CPED1: variants seen among roughly 807,000 people sequenced by gnomAD.
CPED1 encodes the protein cadherin-like and PC-esterase domain-containing protein 1.
In CPED1, 114 loss-of-function variants were observed where a neutral mutation model predicts 128.2. That is an observed-to-expected ratio of 0.89 (90% CI 0.76 to 1.04). CPED1 has a LOEUF of 1.04. Among genes scored for constraint, CPED1 ranks in the 50% least tolerant of loss-of-function variants. The pLI, the probability that CPED1 is intolerant of heterozygous loss-of-function variation, is 0.00. For missense variants in CPED1, 1,211 were observed against 1,207.1 expected (o/e 1.00, Z -0.05); for synonymous variants, 462 against 426.7 (o/e 1.08, Z -1.02).
intron 16 of CPED1, among the ~76,000 whole-genome samples, chr7:121,228,392 G>A (rs1798063882): frequency 6.6e-6 from 1 of 151,566 alleles, no homozygotes; most frequent in Non-Finnish European, 1.5e-5. Flanking sequence ...AAAAATGCTC[G>A]ATATCACTAA....
chr7:121,147,339 A>G (rs1342099884), intron 16 of CPED1, among the ~76,000 whole-genome samples: 1 of 152,132 alleles, frequency 6.6e-6, no homozygotes, highest in Admixed American at 6.6e-5. Context: ...CATGCATTCA[A>G]TTACAGAAAA....
chr7:121,252,634 C>T (rs574191393), intron 18 of CPED1, among the ~76,000 whole-genome samples: 102 of 151,842 alleles, frequency 6.7e-4, no homozygotes, highest in Admixed American at 2.2e-3. Context: ...AAAAACAACC[C>T]GATCAAAAAG....
chr7:121,280,269 G>A (rs1289756514), intron 22 of CPED1, among the ~76,000 whole-genome samples: 1 of 152,154 alleles, frequency 6.6e-6, no homozygotes, highest in Admixed American at 6.5e-5. Context: ...CAGCCACTTG[G>A]GAAATTGAGT....
At chr7:121,236,955 A>G in intron 17 of CPED1, 124 bp downstream of exon 17, 1 of 468,758 alleles carries the variant, frequency 2.1e-6, no homozygotes, top group East Asian at 3.3e-5. Context: ...ACAATGAACT[A>G]TAAAGCATAT....
At chr7:121,228,873 C>T (rs1184834198) in intron 16 of CPED1, among the ~76,000 whole-genome samples, 1 of 151,900 alleles carries the variant, frequency 6.6e-6, no homozygotes, top group African/African-American at 2.4e-5. Context: ...ACAAATAAAC[C>T]AGGCACAAAA....
At chr7:121,108,857 T>A (rs1320247748) in intron 7 of CPED1, among the ~76,000 whole-genome samples, 1 of 152,114 alleles carries the variant, frequency 6.6e-6, no homozygotes, top group East Asian at 1.9e-4. Context: ...AACACCACCC[T>A]GTCCCATTGC....
intron 3 of CPED1, among the ~76,000 whole-genome samples, chr7:121,020,768 A>G (rs943785977): frequency 6.6e-6 from 1 of 151,972 alleles, no homozygotes; most frequent in Non-Finnish European, 1.5e-5. Flanking sequence ...GAGAAATAAT[A>G]GAAGTTTTAC....
intron 16 of CPED1, among the ~76,000 whole-genome samples, chr7:121,207,956 C>G (rs1172361395): frequency 6.6e-6 from 1 of 151,962 alleles, no homozygotes; most frequent in Non-Finnish European, 1.5e-5. Context: ...ATCCTGGCTC[C>G]TTCCCCACCA....
At position 121,266,731 on chromosome 7, in the gene CPED1, C is replaced by T; in HGVS notation, c.2556C>T (p.Gly852=). The T allele has an allele frequency of 6.2e-7, 1 of 1,612,766 alleles. No individual in the cohort carries two copies. Among genetic ancestry groups the T allele is most frequent in the Non-Finnish European group, 8.5e-7 (1 of 1,179,102 alleles). The change falls in exon 20 of 23, where the codon GGC becomes GGT. Residue 852 remains glycine (G), a synonymous_variant. Coordinates refer to ENST00000310396, the MANE Select transcript of CPED1 (RefSeq NM_024913.5). ...LQRSRPLENT[G]QTVLVVGGVQ... ...GATCACGTCCCCTAGAGAATACTGG[C>T]CAGACTGTATTGGTTGTTGGTGGTG...
rs943645962 is a variant in CPED1 at position 121,221,315 on chromosome 7, A to G, written c.2056-15399A>G. Among the ~76,000 whole-genome samples the G allele has an allele frequency of 4.6e-4, 70 of 152,322 alleles. 1 individual carries two copies. Among genetic ancestry groups the G allele is most frequent in the African/African-American group, 1.6e-3 (67 of 41,582 alleles). The stretch of plus-strand genomic sequence containing the variant: ...AACTAAACCTTTTTAATGGCTGCAT[A>G]GTATTCCACAGTGTATATGTGCCAC... On this transcript the variant is annotated intron_variant, in intron 16 of 22. Transcript: ENST00000310396.
chr7:121,139,440 C>CAG (rs1356875873), intron 14 of CPED1, among the ~76,000 whole-genome samples: 1 of 151,364 alleles, frequency 6.6e-6, no homozygotes, highest in East Asian at 1.9e-4. Flanking sequence ...GGGAGCTATA[C>CAG]AGAGACCTAG....
chr7:121,235,621 T>C (rs1798235568), intron 16 of CPED1, among the ~76,000 whole-genome samples: 1 of 152,188 alleles, frequency 6.6e-6, no homozygotes, highest in African/African-American at 2.4e-5. Context: ...AGTCTAACTT[T>C]TTATGCATTC....
chr7:121,220,104 T>C (rs1797844629), intron 16 of CPED1, among the ~76,000 whole-genome samples: 1 of 152,054 alleles, frequency 6.6e-6, no homozygotes, highest in Non-Finnish European at 1.5e-5. Flanking sequence ...TTTATAAGTT[T>C]TATAAAAGGA....
intron 16 of CPED1, among the ~76,000 whole-genome samples, chr7:121,236,100 G>C (rs1306377204): frequency 6.6e-6 from 1 of 152,086 alleles, no homozygotes; most frequent in Admixed American, 6.6e-5. Context: ...CAGTGGATGG[G>C]GCAGAGGAAG....
chr7:121,147,798 T>C (rs1464529477), intron 16 of CPED1, among the ~76,000 whole-genome samples: 4 of 152,076 alleles, frequency 2.6e-5, no homozygotes, highest in Non-Finnish European at 5.9e-5. Flanking sequence ...AAGGGGAAAA[T>C]AGGATTTAAA....
chr7:121,214,190 G>A (rs1244650437), intron 16 of CPED1, among the ~76,000 whole-genome samples: 1 of 152,040 alleles, frequency 6.6e-6, no homozygotes, highest in Non-Finnish European at 1.5e-5. Flanking sequence ...GATGAGGATA[G>A]TGTTTGCTGG....
At chr7:121,195,039 G>A (rs1017473483) in intron 16 of CPED1, 1 of 152,142 alleles carries the variant, frequency 6.6e-6, no homozygotes, top group Non-Finnish European at 1.5e-5. Flanking sequence ...TTTAGTATAT[G>A]TGTTGGTGAA....
chr7:120,998,196 C>T lies in CPED1; in HGVS notation c.249+8326C>T, dbSNP rs140117994. On this transcript the variant is annotated intron_variant, in intron 2 of 22. Coordinates refer to ENST00000310396, the MANE Select transcript of CPED1 (RefSeq NM_024913.5). ...TTCAGGCTTCTAGCCTCCAGAATTA[C>T]GAGATTTAGTAAGCAAGCTTCTCTT... Among the ~76,000 whole-genome samples the T allele has an allele frequency of 7.3e-3, 1,116 of 152,242 alleles. 21 individuals are homozygous for T. Among genetic ancestry groups the T allele is most frequent in the African/African-American group, 0.025 (1,051 of 41,542 alleles).
intron 6 of CPED1, 22 bp downstream of exon 6, chr7:121,097,853 G>A (rs1434785011): frequency 6.2e-7 from 1 of 1,612,468 alleles, no homozygotes; most frequent in Non-Finnish European, 8.5e-7. Flanking sequence ...ATTTTGAATT[G>A]TTATAACCAG....
Sources: allele counts gnomAD v4.1 joint callset (sites outside exome capture counted in the v4.1 genomes callset), GRCh38; gene constraint gnomAD v4.1.1; transcripts MANE v1.5; gene names NCBI Gene and HGNC (gene_info 2026-07-23, HGNC 2026-07-21).